Variants in EFHB observed in about 807,000 individuals in gnomAD.
EFHB encodes EF-hand domain-containing family member B.
A neutral mutation model predicts 87.2 loss-of-function variants in EFHB; 91 were observed. The ratio of observed to expected loss-of-function variants is 1.04; its 90% CI spans 0.88 to 1.24. The LOEUF (loss-of-function observed/expected upper bound fraction) is 1.24, where lower values mean the gene tolerates loss of function less well. Ranked by LOEUF, EFHB falls within the 50% of genes most tolerant of loss-of-function variation. The pLI, the probability that EFHB is intolerant of heterozygous loss-of-function variation, is 0.00. For missense variants in EFHB, 1,084 were observed against 998.8 expected, an observed-to-expected ratio of 1.09 and a Z score of -1.15; for synonymous variants, 325 against 333.6, an observed-to-expected ratio of 0.97 and a Z score of 0.28.
Position 19,923,611 on chromosome 3 carries a change from G to A in EFHB, c.790-3044C>T, listed in dbSNP as rs573233765. Among the ~76,000 whole-genome samples, 230 of 152,258 alleles carry A rather than the reference G, an allele frequency of 1.5e-3. 1 individual carries two copies. Among genetic ancestry groups the A allele is most frequent in the African/African-American group, 4.9e-3 (204 of 41,564 alleles). On this transcript the variant is annotated intron_variant, in intron 1 of 12. Transcript: ENST00000295824. The stretch of plus-strand genomic sequence containing the variant: ...GCTGGTCTTGAACTTCTGAGCTCAA[G>A]TGATCTGCCTGCCTTGGCCTCCCAA...
chr3:19,940,434 ATTC>A (rs1575058458), intron 1 of EFHB: 1 of 470,620 alleles, frequency 2.1e-6, no homozygotes, highest in East Asian at 5.7e-5. Flanking sequence ...CAACAGCCTG[ATTC>A]TTATCTATCC....
chr3:19,888,090 C>A (rs931420210), intron 10 of EFHB, among the ~76,000 whole-genome samples: 4 of 152,110 alleles, frequency 2.6e-5, no homozygotes, highest in Non-Finnish European at 4.4e-5. Context: ...ATTATTGATT[C>A]TTTCCTACAC....
At chr3:19,918,855 C>T (rs1173805030) in intron 3 of EFHB, among the ~76,000 whole-genome samples, 2 of 151,268 alleles carry the variant, frequency 1.3e-5, no homozygotes, top group Non-Finnish European at 2.9e-5. Flanking sequence ...TGGCACACGC[C>T]TGTAGTCCCA....
At chr3:19,906,337 A>G (rs1488328268) in intron 5 of EFHB, among the ~76,000 whole-genome samples, 3 of 152,222 alleles carry the variant, frequency 2.0e-5, no homozygotes, top group South Asian at 2.1e-4. Context: ...TCAAAAAACA[A>G]AAGAACTAAT....
chr3:19,907,063 C>T (rs1267686648), intron 5 of EFHB, among the ~76,000 whole-genome samples: 3 of 149,300 alleles, frequency 2.0e-5, no homozygotes, highest in South Asian at 4.2e-4. Flanking sequence ...AAAAACTAAA[C>T]GTTAAGACCT....
At chr3:19,923,451 A>G (rs1181507247) in intron 1 of EFHB, among the ~76,000 whole-genome samples, 1 of 152,130 alleles carries the variant, frequency 6.6e-6, no homozygotes, top group Non-Finnish European at 1.5e-5. Context: ...TCTGCCTTTC[A>G]ACCTCAGCTC....
chr3:19,885,292 G>A lies in EFHB; in HGVS notation c.1934-677C>T, dbSNP rs1694062371. ...GAGTTTTTCCTAGCACTATGCACTA[G>A]GGAGAAATAAGACAAGACATGCTTG... On this transcript the variant is annotated intron_variant, in intron 10 of 12. Coordinates refer to ENST00000295824, the MANE Select transcript of EFHB (RefSeq NM_144715.4). Among the ~76,000 whole-genome samples, 3 of 151,958 alleles carry A rather than the reference G, an allele frequency of 2.0e-5. No homozygotes were observed. The South Asian group carries it at 6.2e-4, about 32-fold the overall frequency.
intron 6 of EFHB, among the ~76,000 whole-genome samples, chr3:19,901,414 T>G (rs939037493): frequency 1.3e-5 from 2 of 152,186 alleles, no homozygotes; most frequent in Non-Finnish European, 2.9e-5. Flanking sequence ...ACAATGAACA[T>G]TACATTCTTA....
intron 5 of EFHB, among the ~76,000 whole-genome samples, chr3:19,910,443 T>C (rs1270210462): frequency 1.3e-5 from 2 of 152,070 alleles, no homozygotes; most frequent in Non-Finnish European, 2.9e-5. Context: ...TACAGTAGAA[T>C]ACCTGGTAGA....
chr3:19,910,043 C>G (rs1695002418), intron 5 of EFHB, among the ~76,000 whole-genome samples: 1 of 151,722 alleles, frequency 6.6e-6, no homozygotes. Context: ...GTGGTAGCTA[C>G]AGAGCAAAAC....
At position 19,914,646 on chromosome 3, in the gene EFHB, A is replaced by G. The variant is rs190698803; in HGVS notation, c.1288+657T>C. Reference sequence around the variant, plus strand: ...CCTCACTATATTACTATACCCATTTAAGAGATAAGAATATATAATGATCAA... The same window carrying G: ...CCTCACTATATTACTATACCCATTTGAGAGATAAGAATATATAATGATCAA... On this transcript the variant is annotated intron_variant, in intron 5 of 12. Transcript: ENST00000295824. 2.6e-5 allele frequency among the ~76,000 whole-genome samples: 4 copies of G among 152,278 alleles called. 1 individual carries two copies. The highest frequency in any genetic ancestry group is 4.1e-4 in the South Asian group (2 of 4,820).
chr3:19,898,638 CATT>C, intron 8 of EFHB, 137 bp downstream of exon 8: 1 of 853,060 alleles, frequency 1.2e-6, no homozygotes, highest in Non-Finnish European at 1.9e-6. Flanking sequence ...ACACTTTTCT[CATT>C]AATGTTAATG....
At chr3:19,919,550 T>C (rs1695363461) in intron 3 of EFHB, among the ~76,000 whole-genome samples, 1 of 152,156 alleles carries the variant, frequency 6.6e-6, no homozygotes, top group Admixed American at 6.5e-5. Flanking sequence ...ACAGTATTTC[T>C]CTTTATTGTG....
chr3:19,926,337 G>GTT (rs58986216), intron 1 of EFHB, among the ~76,000 whole-genome samples: 4 of 151,746 alleles, frequency 2.6e-5, no homozygotes, highest in Non-Finnish European at 4.4e-5. Context: ...TTTTTTTGGG[G>GTT]TTTTTTTTGT....
At chr3:19,902,611 C>T (rs1005833042) in intron 6 of EFHB, among the ~76,000 whole-genome samples, 2 of 152,024 alleles carry the variant, frequency 1.3e-5, no homozygotes, top group Non-Finnish European at 2.9e-5. Flanking sequence ...CTCAGCCTCC[C>T]AAAGTGCTGG....
upstream of EFHB, among the ~76,000 whole-genome samples, chr3:19,938,178 G>A (rs1696065524): frequency 6.6e-6 from 1 of 152,200 alleles, no homozygotes; most frequent in African/African-American, 2.4e-5. Flanking sequence ...ACTCTGAAAG[G>A]AGAAAGGGCT....
chr3:19,905,603 A>G lies in EFHB; in HGVS notation c.1418+17T>C. On this transcript the variant is annotated intron_variant, in intron 6 of 12. Transcript: ENST00000295824. ...ATGTCTAACACTTGTTCCTGGGCAC[A>G]GTATAATTAAACTTACATTTGTAGT... The G allele has an allele frequency of 1.2e-6, 2 of 1,611,044 alleles. No individual in the cohort carries two copies. The highest frequency in any genetic ancestry group is 1.7e-6 in the Non-Finnish European group (2 of 1,178,106).
chr3:19,934,184 C>T lies in EFHB; in HGVS notation c.-166G>A. ...ATTGCTTCCTGCCTGCCTCTTAACA[C>T]CTAGCCGAGTTCACAGAGGAAAAGA... On this transcript the variant is annotated 5_prime_UTR_variant, in exon 1 of 13. The change creates a new upstream start codon in the 5' untranslated region. Transcript: ENST00000295824. 1 of 1,441,388 alleles carries T rather than the reference C, an allele frequency of 6.9e-7. No individual in the cohort carries two copies. Among genetic ancestry groups the T allele is most frequent in the South Asian group, 1.5e-5 (1 of 66,078 alleles). 89.3% of individuals were successfully genotyped at this position (1,441,388 alleles called of 1,614,324 possible).
At chr3:19,901,709 G>A (rs1207821104) in intron 6 of EFHB, among the ~76,000 whole-genome samples, 2 of 152,132 alleles carry the variant, frequency 1.3e-5, no homozygotes, top group African/African-American at 4.8e-5. Flanking sequence ...AGCACTTTGG[G>A]AGGTCGAAGC....
Sources: gnomAD v4.1 joint callset for allele counts (sites outside exome capture counted in the v4.1 genomes callset) on GRCh38, gnomAD v4.1.1 for gene constraint, MANE v1.5 for transcripts, NCBI Gene and HGNC (gene_info 2026-07-23, HGNC 2026-07-21) for gene names.